LSAMP: variants seen among roughly 807,000 people sequenced by gnomAD.
LSAMP encodes the protein limbic system associated membrane protein, also known as limbic system-associated membrane protein.
In LSAMP, 7 loss-of-function variants were observed where a neutral mutation model predicts 38.6. The ratio of observed to expected loss-of-function variants is 0.18; its 90% confidence interval spans 0.10 to 0.34. The LOEUF (loss-of-function observed/expected upper bound fraction) is 0.34, where lower values mean the gene tolerates loss of function less well. LSAMP is among the 10% of genes least tolerant of loss of function. The pLI, the probability that LSAMP is intolerant of heterozygous loss-of-function variation, is 1.00. For synonymous variants in LSAMP, 154 were observed against 166.8 expected, an observed-to-expected ratio of 0.92 and a Z score of 0.59; for missense variants, 313 against 420.0, an observed-to-expected ratio of 0.75 and a Z score of 2.23.
At chr3:116,012,353 G>T (rs1940354862) in intron 3 of LSAMP, among the ~76,000 whole-genome samples, 1 of 151,990 alleles carries the variant, frequency 6.6e-6, no homozygotes, top group African/African-American at 2.4e-5. Context: ...GGTCATTTTT[G>T]TGTGTGTGAT....
At chr3:116,113,397 G>T (rs1708661220) in intron 1 of LSAMP, among the ~76,000 whole-genome samples, 1 of 109,488 alleles carries the variant, frequency 9.1e-6, no homozygotes. Context: ...AAATATGTTT[G>T]CCCTATATAT....
chr3:116,163,533 C>A (rs1181593098), intron 1 of LSAMP, among the ~76,000 whole-genome samples: 1 of 151,644 alleles, frequency 6.6e-6, no homozygotes, highest in African/African-American at 2.4e-5. Flanking sequence ...CCGCAATAAA[C>A]ATACGTGTGC....
chr3:116,342,466 A>G (rs1234461404), intron 1 of LSAMP, among the ~76,000 whole-genome samples: 1 of 152,096 alleles, frequency 6.6e-6, no homozygotes, highest in African/African-American at 2.4e-5. Flanking sequence ...AGTTTAATAC[A>G]TTTCTCAAAT....
At chr3:116,110,712 G>T (rs1708588786) in intron 1 of LSAMP, among the ~76,000 whole-genome samples, 1 of 152,270 alleles carries the variant, frequency 6.6e-6, no homozygotes, top group African/African-American at 2.4e-5. Flanking sequence ...TGAGGTCATA[G>T]GTGGATCTTT....
chr3:116,095,221 A>G (rs1708200404), intron 1 of LSAMP, among the ~76,000 whole-genome samples: 1 of 152,160 alleles, frequency 6.6e-6, no homozygotes, highest in South Asian at 2.1e-4. Context: ...TGATTAGGCT[A>G]CCACTTATTA....
At chr3:115,952,931 G>C (rs1938339362) in intron 3 of LSAMP, among the ~76,000 whole-genome samples, 1 of 152,170 alleles carries the variant, frequency 6.6e-6, no homozygotes, top group Non-Finnish European at 1.5e-5. Flanking sequence ...TCCTTGTAAA[G>C]TGCTTTATTA....
intron 1 of LSAMP, among the ~76,000 whole-genome samples, chr3:116,112,010 G>T (rs1020308643): frequency 1.2e-4 from 19 of 152,232 alleles, no homozygotes; most frequent in Non-Finnish European, 1.9e-4. Flanking sequence ...TCCTTCTCCA[G>T]CATGTAAAGA....
intron 3 of LSAMP, among the ~76,000 whole-genome samples, chr3:115,873,844 C>G (rs1457707882): frequency 2.0e-5 from 3 of 152,092 alleles, no homozygotes; most frequent in African/African-American, 7.2e-5. Flanking sequence ...CTTTCTTGTC[C>G]TAGCCTGCTG....
At chr3:116,354,882 T>G (rs577232577) in intron 1 of LSAMP, among the ~76,000 whole-genome samples, 28 of 150,586 alleles carry the variant, frequency 1.9e-4, no homozygotes, top group African/African-American at 6.6e-4. Flanking sequence ...TGTGTGTGCA[T>G]GTGTGTTATA....
chr3:115,899,853 T>G (rs372113727), intron 3 of LSAMP, among the ~76,000 whole-genome samples: 8 of 152,286 alleles, frequency 5.3e-5, no homozygotes, highest in South Asian at 2.1e-4. Flanking sequence ...GAGTTTATAT[T>G]TATTCACATC....
chr3:116,350,786 T>C (rs906227396), intron 1 of LSAMP, among the ~76,000 whole-genome samples: 1 of 151,976 alleles, frequency 6.6e-6, no homozygotes, highest in Non-Finnish European at 1.5e-5. Context: ...GTTGCTAAGG[T>C]CTATGGTAAG....
At chr3:115,909,092 A>C (rs1201887318) in intron 3 of LSAMP, among the ~76,000 whole-genome samples, 2 of 152,156 alleles carry the variant, frequency 1.3e-5, no homozygotes, top group Non-Finnish European at 2.9e-5. Context: ...TCCCTGTCCT[A>C]ATGCCCGTCC....
intron 3 of LSAMP, among the ~76,000 whole-genome samples, chr3:115,902,285 A>G (rs992384058): frequency 2.0e-5 from 3 of 152,076 alleles, no homozygotes; most frequent in Non-Finnish European, 2.9e-5. Flanking sequence ...GATAATAAAG[A>G]TAAGTGCCCA....
Position 116,255,232 on chromosome 3 carries a change from T to C in LSAMP, c.156-168676A>G, listed in dbSNP as rs1192123685. ...CTGAATCAAAAAAGAACTCAACAAC[T>C]GAGTGCACTACTAACTAAAGAAGAA... On this transcript the variant is annotated intron_variant, in intron 1 of 6. Coordinates refer to ENST00000490035, the MANE Select transcript of LSAMP (RefSeq NM_002338.5). 2.6e-5 allele frequency among the ~76,000 whole-genome samples: 4 copies of C among 152,150 alleles called. No homozygotes were observed. The East Asian group carries it at 7.7e-4, about 29-fold the overall frequency.
chr3:116,017,341 C>T (rs1482322154), intron 3 of LSAMP, among the ~76,000 whole-genome samples: 4 of 152,126 alleles, frequency 2.6e-5, no homozygotes, highest in Admixed American at 6.6e-5. Context: ...TTGATTATAA[C>T]TTGAATAGAA....
chr3:116,073,461 A>G (rs1024547212), intron 2 of LSAMP, among the ~76,000 whole-genome samples: 4 of 152,164 alleles, frequency 2.6e-5, no homozygotes, highest in Non-Finnish European at 5.9e-5. Context: ...AAGAATGTCA[A>G]TGATAGTTTA....
intron 3 of LSAMP, among the ~76,000 whole-genome samples, chr3:115,881,426 T>C (rs1332856048): frequency 6.6e-6 from 1 of 152,194 alleles, no homozygotes; most frequent in Admixed American, 6.6e-5. Flanking sequence ...GTGAGTATTA[T>C]AGAGTCATTC....
chr3:115,977,479 C>T (rs1004151155), intron 3 of LSAMP, among the ~76,000 whole-genome samples: 2 of 152,154 alleles, frequency 1.3e-5, no homozygotes, highest in Admixed American at 6.5e-5. Context: ...TAGGTTCCTG[C>T]CAGACATGGC....
chr3:116,407,073 T>G (rs1464882791), intron 1 of LSAMP, among the ~76,000 whole-genome samples: 1 of 152,046 alleles, frequency 6.6e-6, no homozygotes, highest in African/African-American at 2.4e-5. Context: ...TTAATTTAAA[T>G]TTCAAGTTCT....
Sources: allele counts gnomAD v4.1 joint callset (sites outside exome capture counted in the v4.1 genomes callset), GRCh38; gene constraint gnomAD v4.1.1; transcripts MANE v1.5; gene names NCBI Gene and HGNC (gene_info 2026-07-23, HGNC 2026-07-21).